Variants in MINDY3 observed in about 807,000 individuals in gnomAD.
The protein encoded by MINDY3 is MINDY lysine 48 deubiquitinase 3.
MINDY3 carries 38 observed loss-of-function variants against 69.2 expected under a neutral mutation model. That is an observed-to-expected ratio of 0.55 (90% confidence interval 0.42 to 0.72). The LOEUF is 0.72. Ranked by LOEUF, MINDY3 falls within the 30% of genes least tolerant of loss-of-function variation. The probability of loss-of-function intolerance (pLI) is 0.00; values close to 1 mark genes in which losing one functional copy is unlikely to be tolerated. For synonymous variants in MINDY3, 192 were observed against 180.1 expected, an observed-to-expected ratio of 1.07 and a Z score of -0.53; for missense variants, 522 against 519.0, an observed-to-expected ratio of 1.01 and a Z score of -0.06.
chr10:15,786,494 G>A (rs1393693940), intron 13 of MINDY3, 67 bp downstream of exon 13: 2 of 973,130 alleles, frequency 2.1e-6, no homozygotes, highest in Non-Finnish European at 3.2e-6. Context: ...AAGAGAAAAT[G>A]CTGCAAACAA....
intron 2 of MINDY3, among the ~76,000 whole-genome samples, chr10:15,846,459 T>A (rs533010420): frequency 1.2e-4 from 18 of 152,276 alleles, no homozygotes; most frequent in African/African-American, 4.3e-4. Flanking sequence ...AATTACTAAT[T>A]TGTAGTTAAA....
chr10:15,821,665 TC>T lies in MINDY3; in HGVS notation c.791del (p.Arg264AsnfsTer9), dbSNP rs1449222655. On this transcript the variant is annotated frameshift_variant, in exon 9 of 15. Coordinates refer to ENST00000277632, the MANE Select transcript of MINDY3 (RefSeq NM_024948.4). LOFTEE classifies it high-confidence loss of function. ...TTAAAAATCAATTTACCTTACAGTA[TC>T]TTAAAGCTTCCATTAGTGTTAAAAA... Reference protein sequence around the residue: ...VGFLTLMEALRYCKVGSYLKS... With the variant: ...VGFLTLMEALXYCKVGSYLKS... 6.2e-7 allele frequency: 1 copy of T among 1,609,994 alleles called. No individual in the cohort carries two copies. Among genetic ancestry groups the T allele is most frequent in the South Asian group, 1.1e-5 (1 of 90,408 alleles).
chr10:15,833,973 GAC>G (rs1832909706), intron 7 of MINDY3, among the ~76,000 whole-genome samples: 1 of 151,912 alleles, frequency 6.6e-6, no homozygotes, highest in Non-Finnish European at 1.5e-5. Flanking sequence ...GATAAAAAAT[GAC>G]AGACTAATAA....
At chr10:15,828,526 T>A (rs553236945) in intron 8 of MINDY3, among the ~76,000 whole-genome samples, 2 of 151,882 alleles carry the variant, frequency 1.3e-5, no homozygotes, top group Admixed American at 6.6e-5. Flanking sequence ...TACTGAATTG[T>A]CCATTTTAAA....
chr10:15,810,079 T>C (rs1014933179), intron 10 of MINDY3, among the ~76,000 whole-genome samples: 26 of 152,078 alleles, frequency 1.7e-4, no homozygotes, highest in Admixed American at 1.7e-3. Flanking sequence ...TCCTACAAAA[T>C]GTGTTGGATG....
chr10:15,779,822 G>C (rs546337204), intron 14 of MINDY3, among the ~76,000 whole-genome samples: 18 of 152,172 alleles, frequency 1.2e-4, no homozygotes, highest in Non-Finnish European at 2.4e-4. Flanking sequence ...TGCAGTGGCA[G>C]TGATCACAGA....
intron 8 of MINDY3, among the ~76,000 whole-genome samples, chr10:15,823,032 G>C (rs1839874043): frequency 6.6e-6 from 1 of 151,776 alleles, no homozygotes. Context: ...TTTCCATTAG[G>C]ATATATTTTC....
At chr10:15,790,664 C>A (rs1588515388) in intron 11 of MINDY3, among the ~76,000 whole-genome samples, 1 of 152,106 alleles carries the variant, frequency 6.6e-6, no homozygotes, top group South Asian at 2.1e-4. Flanking sequence ...CAGGTGGAGT[C>A]TCCCTCATCC....
In MINDY3 at chr10:15,782,189, T is replaced by C; in HGVS notation, c.1154A>G (p.Tyr385Cys). ...SGPESFTVYHYNGLKQSNYNE... is the reference protein window; with the variant it reads ...SGPESFTVYHCNGLKQSNYNE... Reference sequence around the variant, plus strand: ...ATAATTTGACTGCTTCAATCCATTGTAGTGGTAGACAGTAAAAGATTCTGG... The same window carrying C: ...ATAATTTGACTGCTTCAATCCATTGCAGTGGTAGACAGTAAAAGATTCTGG... Residue 385 changes from tyrosine (Y) to cysteine (C), a missense_variant, in exon 14 of 15, where the codon TAC (tyrosine) becomes TGC (cysteine). Physicochemically the swap from Tyr to Cys is radical, Grantham distance 194 (BLOSUM62 -2). Coordinates refer to ENST00000277632, the MANE Select transcript of MINDY3 (RefSeq NM_024948.4). 1 of 1,610,968 alleles carries C rather than the reference T, an allele frequency of 6.2e-7. No homozygotes were observed. Among genetic ancestry groups the C allele is most frequent in the Admixed American group, 1.7e-5 (1 of 59,748 alleles).
At chr10:15,791,289 A>G (rs1837391286) in intron 11 of MINDY3, among the ~76,000 whole-genome samples, 1 of 152,014 alleles carries the variant, frequency 6.6e-6, no homozygotes. Context: ...GAAAAAGGCC[A>G]GAATCATTAA....
chr10:15,851,344 A>G (rs1834282561), intron 1 of MINDY3, among the ~76,000 whole-genome samples: 1 of 152,104 alleles, frequency 6.6e-6, no homozygotes, highest in South Asian at 2.1e-4. Flanking sequence ...GACAGAGTCT[A>G]AGTCCCTTAA....
intron 8 of MINDY3, among the ~76,000 whole-genome samples, chr10:15,829,151 T>G (rs114805642): frequency 1.3e-5 from 2 of 152,082 alleles, no homozygotes; most frequent in African/African-American, 4.8e-5. Flanking sequence ...TAAAGCACCA[T>G]AGATGATCAG....
chr10:15,782,431 A>C, intron 13 of MINDY3: 2 of 501,362 alleles, frequency 4.0e-6, no homozygotes, highest in Middle Eastern at 5.1e-4. Flanking sequence ...AGATGCTGGA[A>C]AGTAGGGAAG....
chr10:15,850,410 T>C (rs1375101616), intron 1 of MINDY3, among the ~76,000 whole-genome samples: 1 of 152,178 alleles, frequency 6.6e-6, no homozygotes, highest in Non-Finnish European at 1.5e-5. Flanking sequence ...TTTCTCTTCT[T>C]GCAAAAGCAA....
At position 15,782,323 on chromosome 10, in the gene MINDY3, T is replaced by C. The variant is rs543116495; in HGVS notation, c.1117-97A>G. ...AAAATGCATGTTTCTCAAATCCTTA[T>C]CCTTTGACTGGGGACTCATTTGACA... is the stretch of plus-strand genomic sequence containing the variant. On this transcript the variant is annotated intron_variant, in intron 13 of 14. Coordinates refer to ENST00000277632, the MANE Select transcript of MINDY3 (RefSeq NM_024948.4). 100 of 827,690 alleles carry C rather than the reference T, an allele frequency of 1.2e-4. No homozygotes were observed. In the African/African-American group the frequency reaches 1.6e-3, roughly 14 times the overall value. 51.3% of individuals were successfully genotyped at this position (827,690 alleles called of 1,614,324 possible).
intron 1 of MINDY3, 110 bp from the exon 2 acceptor site, chr10:15,848,053 A>G: frequency 1.2e-6 from 1 of 836,352 alleles, no homozygotes; most frequent in Non-Finnish European, 2.0e-6. Flanking sequence ...ACAGCAAAAT[A>G]TCTTCAAATC....
In MINDY3 at chr10:15,853,767, C is replaced by G. The variant is rs373064923; in HGVS notation, c.95-5824G>C. 3.8e-4 allele frequency among the ~76,000 whole-genome samples: 57 copies of G among 151,230 alleles called. No individual in the cohort carries two copies. The East Asian group carries it at 7.0e-3, about 19-fold the overall frequency. On this transcript the variant is annotated intron_variant, in intron 1 of 14. Transcript: ENST00000277632. ...TTTTTTAATGGAGTGCTGCTTTTACCTAGTATAACTACCAATAAGCTACAG... is the reference window on the plus strand; with the variant it reads ...TTTTTTAATGGAGTGCTGCTTTTACGTAGTATAACTACCAATAAGCTACAG...
intron 8 of MINDY3, among the ~76,000 whole-genome samples, chr10:15,827,448 G>A (rs2132029351): frequency 6.6e-6 from 1 of 151,986 alleles, no homozygotes; most frequent in South Asian, 2.1e-4. Flanking sequence ...GGCTGAGGCA[G>A]GAGAATTGCT....
chr10:15,779,865 T>C (rs985374728), intron 14 of MINDY3, among the ~76,000 whole-genome samples: 3 of 152,004 alleles, frequency 2.0e-5, no homozygotes, highest in Non-Finnish European at 2.9e-5. Flanking sequence ...GCAAGAAAAA[T>C]TTTATTCTGA....
Sources: allele counts gnomAD v4.1 joint callset (sites outside exome capture counted in the v4.1 genomes callset), GRCh38; gene constraint gnomAD v4.1.1; transcripts MANE v1.5; gene names NCBI Gene and HGNC (gene_info 2026-07-23, HGNC 2026-07-21).